VDR: variants seen among roughly 807,000 people sequenced by gnomAD.
VDR encodes vitamin D receptor.
In VDR, 19 loss-of-function variants were observed where a neutral mutation model predicts 39.7. The ratio of observed to expected loss-of-function variants is 0.48; its 90% CI spans 0.33 to 0.70. The LOEUF is 0.70. VDR is among the 30% of genes least tolerant of loss of function. The probability of loss-of-function intolerance (pLI) is 0.02; values close to 1 mark genes in which losing one functional copy is unlikely to be tolerated. For missense variants in VDR, 442 were observed against 570.5 expected, an observed-to-expected ratio of 0.77 and a Z score of 2.29; for synonymous variants, 242 against 215.8, an observed-to-expected ratio of 1.12 and a Z score of -1.07.
intron 1 of VDR, among the ~76,000 whole-genome samples, chr12:47,889,521 C>T (rs1469258290): frequency 1.3e-5 from 2 of 152,200 alleles, no homozygotes; most frequent in African/African-American, 4.8e-5. Flanking sequence ...AAGACATGAA[C>T]AAGAACTCAA....
chr12:47,878,680 G>T, intron 3 of VDR: 1 of 501,092 alleles, frequency 2.0e-6, no homozygotes, highest in Non-Finnish European at 3.8e-6. Context: ...ATGGACACGT[G>T]GGTTGGTGTA....
chr12:47,873,046 T>C (rs1224144790), intron 3 of VDR, among the ~76,000 whole-genome samples: 2 of 152,228 alleles, frequency 1.3e-5, no homozygotes, highest in Admixed American at 6.5e-5. Context: ...CTGACTGATA[T>C]GGTTTGGCTC....
rs190192215 is a variant in VDR at position 47,893,546 on chromosome 12, C to A, written c.-83-10772G>T. On this transcript the variant is annotated intron_variant, in intron 1 of 9. Coordinates refer to ENST00000549336, the MANE Select transcript of VDR (RefSeq NM_000376.3). ...GGCAGATGGAAGGGAGGTTAGTGAA[C>A]AACTCAGCTGCCATATCACCAGTGC... 6.0e-4 allele frequency among the ~76,000 whole-genome samples: 92 copies of A among 152,238 alleles called. No homozygotes were observed. The East Asian group carries it at 0.012, about 20-fold the overall frequency.
In VDR at chr12:47,860,549, T is replaced by G. The variant is rs1261148523; in HGVS notation, c.278-2861A>C. 7.2e-5 allele frequency among the ~76,000 whole-genome samples: 11 copies of G among 152,216 alleles called. 1 individual carries two copies. Among genetic ancestry groups the G allele is most frequent in the Admixed American group, 7.2e-4 (11 of 15,286 alleles). On this transcript the variant is annotated intron_variant, in intron 4 of 9. Transcript: ENST00000549336. ...GAAAGATTTTCAAGACAGAAAACCT[T>G]GTAACGGAACACTTTTAACGTCATA...
chr12:47,887,802 A>G (rs1022119520), intron 1 of VDR, among the ~76,000 whole-genome samples: 1 of 152,218 alleles, frequency 6.6e-6, no homozygotes, highest in African/African-American at 2.4e-5. Flanking sequence ...AAGAACATTT[A>G]AGAGGCTCAC....
intron 3 of VDR, among the ~76,000 whole-genome samples, chr12:47,868,974 G>A (rs529181454): frequency 6.8e-4 from 104 of 152,224 alleles, no homozygotes; most frequent in Admixed American, 5.0e-3. Context: ...GACTGGGCCC[G>A]GGACTGAGAG....
At chr12:47,865,359 T>C (rs1011473794) in intron 3 of VDR, among the ~76,000 whole-genome samples, 182 bp from the exon 4 acceptor site, 4 of 152,058 alleles carry the variant, frequency 2.6e-5, no homozygotes. Context: ...CTACTTCTCC[T>C]TTCATTGCCT....
chr12:47,893,339 A>T (rs1413892828), intron 1 of VDR, among the ~76,000 whole-genome samples: 1 of 152,146 alleles, frequency 6.6e-6, no homozygotes, highest in African/African-American at 2.4e-5. Context: ...CTGGGTACAC[A>T]CAAAGCCACT....
At position 47,881,802 on chromosome 12, in the gene VDR, G is replaced by A. The variant is rs1946155480; in HGVS notation, c.-3+892C>T. 2.3e-5 allele frequency among the ~76,000 whole-genome samples: 3 copies of A among 131,272 alleles called. No homozygotes were observed. The South Asian group carries it at 7.0e-4, about 30-fold the overall frequency. The allele number at this position is 131,272 out of a possible 152,430, so 86.1% of individuals were successfully genotyped here. On this transcript the variant is annotated intron_variant, in intron 2 of 9. Transcript: ENST00000549336. ...TGATGCCTGCAGGTTTTAGAACATA[G>A]CACACATTCAAGATGTGGCCAGCAT...
At chr12:47,864,945 GA>G in intron 4 of VDR, 101 bp downstream of exon 4, 1 of 1,576,262 alleles carries the variant, frequency 6.3e-7, no homozygotes, top group East Asian at 2.3e-5. Context: ...AGCTACAGAG[GA>G]AGGGCAGGCA....
At chr12:47,874,579 C>T (rs761189702) in intron 3 of VDR, among the ~76,000 whole-genome samples, 3 of 152,194 alleles carry the variant, frequency 2.0e-5, no homozygotes, top group South Asian at 2.1e-4. Flanking sequence ...GAAGCGAAAA[C>T]GCACTTCTCT....
intron 1 of VDR, chr12:47,896,742 T>C (rs1294868274): frequency 1.3e-5 from 2 of 152,136 alleles, no homozygotes; most frequent in Admixed American, 1.3e-4. Flanking sequence ...TATAATGGAA[T>C]TTTACCTGAG....
intron 7 of VDR, among the ~76,000 whole-genome samples, chr12:47,855,057 C>T (rs979034130): frequency 3.9e-5 from 6 of 152,096 alleles, no homozygotes; most frequent in Admixed American, 2.6e-4. Flanking sequence ...GGGCAGGGCG[C>T]GATGGCTCAT....
chr12:47,904,098 A>G (rs1171256541), intron 1 of VDR, among the ~76,000 whole-genome samples: 1 of 118,158 alleles, frequency 8.5e-6, no homozygotes, highest in Non-Finnish European at 1.8e-5. Flanking sequence ...GAGGAGGAGG[A>G]ACAAGAGGAG....
At chr12:47,858,246 A>G (rs1945536634) in intron 4 of VDR, among the ~76,000 whole-genome samples, 1 of 152,218 alleles carries the variant, frequency 6.6e-6, no homozygotes, top group Non-Finnish European at 1.5e-5. Context: ...TGAAGAAGAT[A>G]TCAGGGTGAA....
chr12:47,873,640 C>A (rs867473077), intron 3 of VDR, among the ~76,000 whole-genome samples: 2 of 152,066 alleles, frequency 1.3e-5, no homozygotes, highest in Non-Finnish European at 2.9e-5. Flanking sequence ...GGATTACAGG[C>A]GTGAGCCACC....
Position 47,890,490 on chromosome 12 carries a change from G to C in VDR, c.-83-7716C>G, listed in dbSNP as rs571696913. Among the ~76,000 whole-genome samples, 8 of 151,988 alleles carry C rather than the reference G, an allele frequency of 5.3e-5. No individual in the cohort carries two copies. In the South Asian group the frequency reaches 1.7e-3, roughly 32 times the overall value. On this transcript the variant is annotated intron_variant, in intron 1 of 9. Coordinates refer to ENST00000549336, the MANE Select transcript of VDR (RefSeq NM_000376.3). Reference sequence around the variant, plus strand: ...GAGGAAACGGTTGTCACGTCACCAGGCAGGTTACATTCATCTTCCACTGGA... The same window carrying C: ...GAGGAAACGGTTGTCACGTCACCAGCCAGGTTACATTCATCTTCCACTGGA...
At chr12:47,871,034 T>TA (rs1565622314) in intron 3 of VDR, among the ~76,000 whole-genome samples, 2 of 151,928 alleles carry the variant, frequency 1.3e-5, no homozygotes, top group Admixed American at 6.5e-5. Context: ...CAGGTGGGTT[T>TA]AAAAAAACAT....
intron 3 of VDR, among the ~76,000 whole-genome samples, chr12:47,865,787 A>G (rs1207979075): frequency 7.1e-6 from 1 of 141,196 alleles, no homozygotes; most frequent in Non-Finnish European, 1.5e-5. Flanking sequence ...CACTCAGCTC[A>G]CTGCAAGCTC....
Sources: gnomAD v4.1 joint callset for allele counts (sites outside exome capture counted in the v4.1 genomes callset) on GRCh38, gnomAD v4.1.1 for gene constraint, MANE v1.5 for transcripts, NCBI Gene and HGNC (gene_info 2026-07-23, HGNC 2026-07-21) for gene names.